RANBP2: variants seen among roughly 807,000 people sequenced by gnomAD.
RANBP2 encodes the protein E3 SUMO-protein ligase RanBP2.
Under a neutral mutation model 303.6 loss-of-function variants are expected in RANBP2, and 57 were observed. The observed-to-expected ratio is 0.19, with a 90% CI of 0.15 to 0.23. The LOEUF is 0.23. Among genes scored for constraint, RANBP2 ranks in the 10% least tolerant of loss-of-function variants. The probability of loss-of-function intolerance (pLI) is 1.00; values close to 1 mark genes in which losing one functional copy is unlikely to be tolerated. For synonymous variants in RANBP2, 1,167 were observed against 1,301.5 expected (o/e 0.90, Z 2.23); for missense variants, 3,138 against 3,780.8 (o/e 0.83, Z 4.46).
the RANBP2 span, among the ~76,000 whole-genome samples, chr2:108,930,477 C>T: frequency 6.6e-6 from 1 of 152,126 alleles, no homozygotes; most frequent in Non-Finnish European, 1.5e-5. Flanking sequence ...CTCACCCCTG[C>T]TGGCCAAGCC....
the RANBP2 span, among the ~76,000 whole-genome samples, chr2:109,248,528 A>G: frequency 2.6e-5 from 4 of 152,246 alleles, no homozygotes; most frequent in Admixed American, 1.3e-4. Context: ...AATTAAATGG[A>G]TGTTACTACC....
At chr2:108,948,395 A>C in the RANBP2 span, among the ~76,000 whole-genome samples, 1 of 152,210 alleles carries the variant, frequency 6.6e-6, no homozygotes, top group Non-Finnish European at 1.5e-5. Context: ...AGTTGCTTCC[A>C]AATTTTCAGG....
At chr2:109,079,860 T>C in the RANBP2 span, among the ~76,000 whole-genome samples, 10 of 152,142 alleles carry the variant, frequency 6.6e-5, 1 homozygote, top group Admixed American at 6.5e-4. Flanking sequence ...AGGGGAGGCC[T>C]GAAACACATC....
chr2:109,654,848 C>T, the RANBP2 span, among the ~76,000 whole-genome samples: 6 of 151,930 alleles, frequency 3.9e-5, no homozygotes, highest in South Asian at 2.1e-4. Flanking sequence ...TGGAATGTGG[C>T]GTGACCTCTC....
At chr2:109,236,466 T>A in the RANBP2 span, among the ~76,000 whole-genome samples, 2 of 152,310 alleles carry the variant, frequency 1.3e-5, no homozygotes, top group African/African-American at 4.8e-5. Context: ...GTGAGCCGTG[T>A]TTTTTAGGAA....
the RANBP2 span, among the ~76,000 whole-genome samples, chr2:109,690,978 G>A: frequency 1.3e-5 from 2 of 152,082 alleles, no homozygotes; most frequent in Middle Eastern, 3.2e-3. Flanking sequence ...CCTAGATCAG[G>A]GACAGCCAGT....
the RANBP2 span, among the ~76,000 whole-genome samples, chr2:108,793,697 C>G: frequency 6.6e-6 from 1 of 151,574 alleles, no homozygotes. Flanking sequence ...CCCGGATTCA[C>G]GCCACTCTCC....
At chr2:109,466,486 A>G in the RANBP2 span, among the ~76,000 whole-genome samples, 2 of 152,112 alleles carry the variant, frequency 1.3e-5, no homozygotes, top group Non-Finnish European at 2.9e-5. Flanking sequence ...TTTTAGATAT[A>G]CCACAGTGGT....
chr2:108,802,060 T>C, the RANBP2 span, among the ~76,000 whole-genome samples: 4 of 144,090 alleles, frequency 2.8e-5, no homozygotes, highest in Non-Finnish European at 6.1e-5. Context: ...AGTCAGGTAG[T>C]GTGATGGCTC....
the RANBP2 span, among the ~76,000 whole-genome samples, chr2:109,590,984 G>A: frequency 1.3e-5 from 2 of 152,204 alleles, no homozygotes; most frequent in African/African-American, 2.4e-5. Context: ...GATGGGCCAC[G>A]TCTGGCCTTT....
At chr2:108,754,373 C>G (rs546377282) in intron 15 of RANBP2, among the ~76,000 whole-genome samples, 1 of 151,468 alleles carries the variant, frequency 6.6e-6, no homozygotes, top group East Asian at 1.9e-4. Context: ...TGTGAACGCC[C>G]TTGTTTTCTT....
chr2:108,880,192 A>T, the RANBP2 span, among the ~76,000 whole-genome samples: 1 of 3,564 alleles, frequency 2.8e-4, no homozygotes, highest in Non-Finnish European at 1.2e-3. Context: ...AGGGTAACTT[A>T]AAAAAAAAAA....
the RANBP2 span, among the ~76,000 whole-genome samples, chr2:109,697,861 T>G: frequency 1.3e-5 from 2 of 149,170 alleles, no homozygotes; most frequent in South Asian, 4.3e-4. Flanking sequence ...GTCTAAAGTT[T>G]TTTTTTTTTT....
At chr2:109,594,380 T>TA in the RANBP2 span, among the ~76,000 whole-genome samples, 1 of 152,304 alleles carries the variant, frequency 6.6e-6, no homozygotes, top group South Asian at 2.1e-4. Flanking sequence ...ACCAGACCCT[T>TA]ACGCATCCTT....
chr2:109,594,924 G>C, the RANBP2 span: 2 of 151,424 alleles, frequency 1.3e-5, no homozygotes, highest in African/African-American at 4.9e-5. Flanking sequence ...GTCTCACTCC[G>C]TCACCCAGGC....
chr2:108,853,840 A>T, the RANBP2 span, among the ~76,000 whole-genome samples: 1 of 133,694 alleles, frequency 7.5e-6, no homozygotes, highest in Non-Finnish European at 1.5e-5. Flanking sequence ...TTCTATATGC[A>T]ATATATATAT....
At chr2:109,095,049 T>G in the RANBP2 span, among the ~76,000 whole-genome samples, 5 of 152,230 alleles carry the variant, frequency 3.3e-5, no homozygotes, top group Non-Finnish European at 7.3e-5. Flanking sequence ...AGATATCAGA[T>G]TTGCTAAATG....
the RANBP2 span, among the ~76,000 whole-genome samples, chr2:109,003,758 T>C: frequency 0.17 from 25,956 of 152,146 alleles, 2,518 homozygotes; most frequent in Middle Eastern, 0.3. Flanking sequence ...CCATGTCTCC[T>C]TAAGGTGCAA....
chr2:108,932,528 C>CAAAAAAAAAAA, the RANBP2 span, among the ~76,000 whole-genome samples: 1 of 39,124 alleles, frequency 2.6e-5, no homozygotes, highest in African/African-American at 1.0e-4. Context: ...GACTCTGTCT[C>CAAAAAAAAAAA]AAAAAAAAAA....
Sources: gnomAD v4.1 joint callset for allele counts (sites outside exome capture counted in the v4.1 genomes callset) on GRCh38, gnomAD v4.1.1 for gene constraint, MANE v1.5 for transcripts, NCBI Gene and HGNC (gene_info 2026-07-23, HGNC 2026-07-21) for gene names.